GRID1: variants seen among roughly 807,000 people sequenced by gnomAD.
The protein encoded by GRID1 is glutamate receptor ionotropic, delta-1.
GRID1 carries 28 observed loss-of-function variants against 98.0 expected under a neutral mutation model. That is an observed-to-expected ratio of 0.29 (90% CI 0.21 to 0.39). The LOEUF (loss-of-function observed/expected upper bound fraction) is 0.39, where lower values mean the gene tolerates loss of function less well. Ranked by LOEUF, GRID1 falls within the 10% of genes least tolerant of loss-of-function variation. GRID1 has a pLI of 1.00. For missense variants in GRID1, 1,111 were observed against 1,340.5 expected, an observed-to-expected ratio of 0.83 and a Z score of 2.67; for synonymous variants, 553 against 538.5, an observed-to-expected ratio of 1.03 and a Z score of -0.37.
At chr10:86,008,523 A>G (rs915153821) in intron 4 of GRID1, among the ~76,000 whole-genome samples, 2 of 152,234 alleles carry the variant, frequency 1.3e-5, no homozygotes, top group African/African-American at 4.8e-5. Context: ...GAATTTATGA[A>G]TAATATATAA....
intron 4 of GRID1, among the ~76,000 whole-genome samples, chr10:86,011,309 T>G (rs1245768298): frequency 6.6e-6 from 1 of 152,204 alleles, no homozygotes; most frequent in Admixed American, 6.5e-5. Flanking sequence ...GGGAACTCCA[T>G]GAAAGCAGAG....
chr10:86,123,071 A>C (rs1261709890), intron 4 of GRID1, among the ~76,000 whole-genome samples: 1 of 152,146 alleles, frequency 6.6e-6, no homozygotes, highest in Non-Finnish European at 1.5e-5. Flanking sequence ...GTTTTGAATC[A>C]AGTCATGTCA....
intron 7 of GRID1, among the ~76,000 whole-genome samples, chr10:85,855,378 T>C (rs1177626196): frequency 6.6e-6 from 1 of 152,186 alleles, no homozygotes; most frequent in African/African-American, 2.4e-5. Flanking sequence ...TTATCTCTCA[T>C]AGTCCCTGTG....
At chr10:86,114,152 G>T in intron 4 of GRID1, among the ~76,000 whole-genome samples, 1 of 152,110 alleles carries the variant, frequency 6.6e-6, no homozygotes, top group East Asian at 1.9e-4. Context: ...TGGGGCGGGG[G>T]TGTCAGATGG....
rs77671874 is a variant in GRID1 at position 86,258,270 on chromosome 10, A to G, written c.236-51622T>C. On this transcript the variant is annotated intron_variant, in intron 2 of 15. Transcript: ENST00000327946. ...TAAAAAAATACATCAGCTGAATGAT[A>G]TAATTCAAAACAAAATTAATATCTG... is the stretch of plus-strand genomic sequence containing the variant. Among the ~76,000 whole-genome samples the G allele has an allele frequency of 8.5e-5, 13 of 152,386 alleles. No homozygotes were observed. The East Asian group carries it at 2.5e-3, about 29-fold the overall frequency.
rs375508008 is a variant in GRID1, at chr10:85,602,415, G to A, written c.2888C>T (p.Ser963Phe). 147 of 1,613,950 alleles carry A rather than the reference G, an allele frequency of 9.1e-5. No homozygotes were observed. Among genetic ancestry groups the A allele is most frequent in the Non-Finnish European group, 1.2e-4 (143 of 1,180,006 alleles). Residue 963 changes from serine to phenylalanine, a missense_variant, in exon 16 of 16, where the codon TCC (serine) becomes TTC (phenylalanine). Around this residue, in one of 3 missense-constraint regions of GRID1, gnomAD observed 762 missense variants for 869.1 expected, o/e 0.88. Transcript: ENST00000327946. ...GGGTGACCTGTGTTTGCACTGCATGGAGGGCATGGTCGCCGAGCTGCTCAG... is the reference window on the plus strand; with the variant it reads ...GGGTGACCTGTGTTTGCACTGCATGAAGGGCATGGTCGCCGAGCTGCTCAG... ...LPLSSSATMPSMQCKHRSPNG... is the reference protein window; with the variant it reads ...LPLSSSATMPFMQCKHRSPNG...
intron 2 of GRID1, among the ~76,000 whole-genome samples, chr10:86,210,634 C>T (rs955512259): frequency 2.6e-5 from 4 of 152,324 alleles, no homozygotes; most frequent in East Asian, 1.9e-4. Context: ...GCCCACCCCT[C>T]GTGGAGCCAC....
intron 2 of GRID1, chr10:86,264,761 G>T: frequency 2.0e-6 from 1 of 494,440 alleles, no homozygotes; most frequent in Non-Finnish European, 4.2e-6. Flanking sequence ...GCAGGCATGC[G>T]GGCAGACAGA....
intron 12 of GRID1, among the ~76,000 whole-genome samples, chr10:85,657,310 T>C (rs1376753800): frequency 1.3e-5 from 2 of 152,212 alleles, no homozygotes; most frequent in Admixed American, 6.5e-5. Context: ...CTGTTTGTTT[T>C]TTTGCTGTAT....
At chr10:86,005,627 G>A (rs1842851796) in intron 4 of GRID1, among the ~76,000 whole-genome samples, 1 of 152,198 alleles carries the variant, frequency 6.6e-6, no homozygotes, top group African/African-American at 2.4e-5. Flanking sequence ...AAATTTTGGT[G>A]GGGGTCATAG....
intron 4 of GRID1, among the ~76,000 whole-genome samples, chr10:85,975,066 T>C (rs1842454333): frequency 1.3e-5 from 2 of 152,206 alleles, no homozygotes; most frequent in African/African-American, 2.4e-5. Flanking sequence ...CAGAGCCTCA[T>C]GCAAATCTAA....
At chr10:85,868,440 G>A (rs1256731218) in intron 6 of GRID1, among the ~76,000 whole-genome samples, 3 of 152,150 alleles carry the variant, frequency 2.0e-5, no homozygotes, top group Admixed American at 2.0e-4. Context: ...TTGAAGGACT[G>A]ACCAGAAACA....
rs61857783 is a variant in GRID1 at position 86,129,462 on chromosome 10, C to T, written c.726+9357G>A. 4.4e-3 allele frequency among the ~76,000 whole-genome samples: 677 copies of T among 152,254 alleles called. 3 individuals carry two copies. Among genetic ancestry groups the T allele is most frequent in the Middle Eastern group, 6.8e-3 (2 of 294 alleles). On this transcript the variant is annotated intron_variant, in intron 4 of 15. Transcript: ENST00000327946. The stretch of plus-strand genomic sequence containing the variant: ...TTCATCTTTTAGACCATGAGCAAAC[C>T]CCAAAATCCCCACAGGCTCAAAGCT...
At chr10:86,356,974 G>A (rs903630614) in intron 2 of GRID1, among the ~76,000 whole-genome samples, 2 of 152,258 alleles carry the variant, frequency 1.3e-5, no homozygotes, top group Non-Finnish European at 2.9e-5. Flanking sequence ...TTGGGAAAGA[G>A]AGTCTGTCTG....
At chr10:85,820,710 C>G (rs928655908) in intron 8 of GRID1, among the ~76,000 whole-genome samples, 7 of 152,096 alleles carry the variant, frequency 4.6e-5, no homozygotes, top group Non-Finnish European at 8.8e-5. Context: ...CAAGATACCA[C>G]TATTATACCA....
intron 4 of GRID1, among the ~76,000 whole-genome samples, chr10:86,138,165 C>A (rs1339700360): frequency 1.3e-5 from 2 of 152,174 alleles, no homozygotes; most frequent in Non-Finnish European, 2.9e-5. Context: ...TGGGCCAGCG[C>A]CAATCAGCCA....
intron 2 of GRID1, among the ~76,000 whole-genome samples, chr10:86,304,279 G>T (rs2446015): frequency 4.6e-4 from 70 of 152,344 alleles, no homozygotes; most frequent in African/African-American, 1.6e-3. Context: ...ACAAAGAGAA[G>T]GCAGGAGCCC....
chr10:86,148,544 T>C (rs1845118010), intron 3 of GRID1, among the ~76,000 whole-genome samples: 1 of 152,232 alleles, frequency 6.6e-6, no homozygotes, highest in South Asian at 2.1e-4. Flanking sequence ...TGATCTATTG[T>C]ATAAATGTTG....
chr10:86,364,050 C>A lies in GRID1; in HGVS notation c.126G>T (p.Gln42His), dbSNP rs1166587429. ...TGAGGCTCAGGTCGGATACCGCCAACTGGAACACCCTGTCGTCCTTGGCCG... is the reference window on the plus strand; with the variant it reads ...TGAGGCTCAGGTCGGATACCGCCAAATGGAACACCCTGTCGTCCTTGGCCG... Reference protein sequence around the residue: ...ENAAKDDRVFQLAVSDLSLND... With the variant: ...ENAAKDDRVFHLAVSDLSLND... The change falls in exon 2 of 16, where the codon CAG becomes CAT. Residue 42 changes from glutamine to histidine, a missense_variant. By Grantham distance (24) the Gln-to-His change is conservative. This residue lies in a region of GRID1 where 346 missense variants were observed against 452.3 expected (regional missense o/e 0.76). Transcript: ENST00000327946. The A allele has an allele frequency of 1.9e-6, 3 of 1,613,890 alleles. No individual in the cohort carries two copies. The highest frequency in any genetic ancestry group is 2.2e-5 in the East Asian group (1 of 44,894).
Sources: gnomAD v4.1 joint callset for allele counts (sites outside exome capture counted in the v4.1 genomes callset) on GRCh38, gnomAD v4.1.1 for gene constraint, gnomAD v4.1.1 regional missense constraint, MANE v1.5 for transcripts, NCBI Gene and HGNC (gene_info 2026-07-23, HGNC 2026-07-21) for gene names.